Variants in CAMKMT observed in about 807,000 individuals in gnomAD.
CAMKMT encodes calmodulin-lysine N-methyltransferase.
In CAMKMT, 53 loss-of-function variants were observed where a neutral mutation model predicts 48.0. The ratio of observed to expected loss-of-function variants is 1.10; its 90% CI spans 0.89 to 1.39. The LOEUF (loss-of-function observed/expected upper bound fraction) is 1.39, where lower values mean the gene tolerates loss of function less well. CAMKMT is among the 40% of genes most tolerant of loss of function. The pLI is 0.00. For synonymous variants in CAMKMT, 165 were observed against 152.3 expected, an observed-to-expected ratio of 1.08 and a Z score of -0.61; for missense variants, 428 against 402.7, an observed-to-expected ratio of 1.06 and a Z score of -0.54.
chr2:44,428,879 G>T (rs1178530803), intron 3 of CAMKMT, among the ~76,000 whole-genome samples: 1 of 152,162 alleles, frequency 6.6e-6, no homozygotes, highest in Non-Finnish European at 1.5e-5. Context: ...CGGGCAGAAG[G>T]CATTTGTTTC....
intron 3 of CAMKMT, among the ~76,000 whole-genome samples, chr2:44,702,882 C>T (rs1250090763): frequency 1.3e-5 from 2 of 152,178 alleles, no homozygotes; most frequent in East Asian, 1.9e-4. Context: ...ATTTCTTTAA[C>T]ACCCTCTTCT....
intron 3 of CAMKMT, among the ~76,000 whole-genome samples, chr2:44,395,721 A>G (rs1224456069): frequency 6.6e-6 from 1 of 152,170 alleles, no homozygotes; most frequent in African/African-American, 2.4e-5. Context: ...TACCAAGTAA[A>G]CTGTAAATAG....
intron 3 of CAMKMT, among the ~76,000 whole-genome samples, chr2:44,454,968 AC>A (rs1667482295): frequency 6.6e-6 from 1 of 152,062 alleles, no homozygotes; most frequent in South Asian, 2.1e-4. Flanking sequence ...TTGTGAAGTG[AC>A]CCTCTTGAAA....
intron 3 of CAMKMT, among the ~76,000 whole-genome samples, chr2:44,411,287 C>G (rs1683187321): frequency 6.6e-6 from 1 of 152,092 alleles, no homozygotes; most frequent in Non-Finnish European, 1.5e-5. Flanking sequence ...ATTTGAGTGA[C>G]TATTGCGTGG....
chr2:44,602,637 A>G (rs1671063327), intron 3 of CAMKMT, among the ~76,000 whole-genome samples: 1 of 152,028 alleles, frequency 6.6e-6, no homozygotes, highest in African/African-American at 2.4e-5. Flanking sequence ...GAAACTTACA[A>G]TCATGGCGGA....
chr2:44,401,672 G>C (rs1682388408), intron 3 of CAMKMT, among the ~76,000 whole-genome samples: 1 of 152,182 alleles, frequency 6.6e-6, no homozygotes, highest in African/African-American at 2.4e-5. Flanking sequence ...CATTAAATAT[G>C]AATTTAATGG....
chr2:44,629,998 C>A (rs1315723292), intron 3 of CAMKMT, among the ~76,000 whole-genome samples: 1 of 151,586 alleles, frequency 6.6e-6, no homozygotes, highest in Non-Finnish European at 1.5e-5. Flanking sequence ...TCAAACTATA[C>A]TACAAGGCTA....
At chr2:44,571,363 A>G (rs992876844) in intron 3 of CAMKMT, among the ~76,000 whole-genome samples, 1 of 152,208 alleles carries the variant, frequency 6.6e-6, no homozygotes, top group African/African-American at 2.4e-5. Flanking sequence ...GTCCCATTGT[A>G]GCAATATTTG....
chr2:44,436,930 T>C (rs1303938149), intron 3 of CAMKMT, among the ~76,000 whole-genome samples: 1 of 152,202 alleles, frequency 6.6e-6, no homozygotes, highest in East Asian at 1.9e-4. Flanking sequence ...AAGATTCAAC[T>C]TTTTGAAACA....
intron 3 of CAMKMT, among the ~76,000 whole-genome samples, chr2:44,421,624 A>G (rs1391444990): frequency 1.3e-5 from 2 of 152,178 alleles, no homozygotes; most frequent in Non-Finnish European, 2.9e-5. Context: ...AGTTTGTTTA[A>G]TATTCATAAC....
intron 3 of CAMKMT, among the ~76,000 whole-genome samples, chr2:44,588,126 C>T (rs1254775702): frequency 2.9e-5 from 4 of 135,868 alleles, no homozygotes; most frequent in South Asian, 2.6e-4. Flanking sequence ...TCTGCTGGGC[C>T]GCAACCCTGT....
At chr2:44,372,321 A>C (rs760499217) in intron 1 of CAMKMT, among the ~76,000 whole-genome samples, 31 of 152,054 alleles carry the variant, frequency 2.0e-4, no homozygotes, top group Non-Finnish European at 3.1e-4. Context: ...CCATCTCTAC[A>C]AAAAATTTAA....
chr2:44,420,592 C>A (rs1239875897), intron 3 of CAMKMT, among the ~76,000 whole-genome samples: 12 of 151,324 alleles, frequency 7.9e-5, no homozygotes, highest in Admixed American at 7.9e-4. Context: ...TTTTTCTCTT[C>A]TTTTTGTGAA....
chr2:44,505,715 G>A lies in CAMKMT; in HGVS notation c.376+115410G>A, dbSNP rs142905219. ...AGGAGTTTGTCTTGCTGTCAGAGGC[G>A]GAAGAAAATCCATGTGTAAGTGGAC... On this transcript the variant is annotated intron_variant, in intron 3 of 10. Coordinates refer to ENST00000378494, the MANE Select transcript of CAMKMT (RefSeq NM_024766.5). Among the ~76,000 whole-genome samples the A allele has an allele frequency of 2.3e-4, 35 of 152,150 alleles. 1 individual carries two copies. The South Asian group carries it at 5.6e-3, about 24-fold the overall frequency.
intron 3 of CAMKMT, among the ~76,000 whole-genome samples, chr2:44,613,410 C>T (rs1336287361): frequency 6.6e-6 from 1 of 152,162 alleles, no homozygotes; most frequent in African/African-American, 2.4e-5. Flanking sequence ...AAATGAATAG[C>T]ACAGCAGCAG....
chr2:44,666,233 G>C (rs1674959066), intron 3 of CAMKMT, among the ~76,000 whole-genome samples: 1 of 152,216 alleles, frequency 6.6e-6, no homozygotes, highest in Non-Finnish European at 1.5e-5. Flanking sequence ...ATGGAAAGTA[G>C]TGGTTCTGAG....
At chr2:44,673,471 G>GAGGAAGGAAGGAAGGAAGGAAGGA (rs201284067) in intron 3 of CAMKMT, among the ~76,000 whole-genome samples, 77 of 116,862 alleles carry the variant, frequency 6.6e-4, no homozygotes, top group African/African-American at 2.0e-3. Flanking sequence ...GAAAGAGAGA[G>GAGGAAGGAAGGAAGGAAGGAAGGA]AGGAAGGAAG....
intron 3 of CAMKMT, among the ~76,000 whole-genome samples, chr2:44,627,178 A>C (rs1420860810): frequency 6.6e-6 from 1 of 152,260 alleles, no homozygotes; most frequent in East Asian, 1.9e-4. Flanking sequence ...ATGATTTTCT[A>C]ATGTTAATTC....
intron 3 of CAMKMT, among the ~76,000 whole-genome samples, chr2:44,573,279 G>T (rs889865129): frequency 6.6e-6 from 1 of 151,934 alleles, no homozygotes; most frequent in African/African-American, 2.4e-5. Flanking sequence ...TTTCAATCAG[G>T]TTTTTTGTTG....
Sources: allele counts gnomAD v4.1 joint callset (sites outside exome capture counted in the v4.1 genomes callset), GRCh38; gene constraint gnomAD v4.1.1; transcripts MANE v1.5; gene names NCBI Gene and HGNC (gene_info 2026-07-23, HGNC 2026-07-21).